ATF7: variants seen among roughly 807,000 people sequenced by gnomAD.
ATF7 encodes activating transcription factor 7.
A neutral mutation model predicts 50.4 loss-of-function variants in ATF7; 10 were observed. The ratio of observed to expected loss-of-function variants is 0.20; its 90% CI spans 0.12 to 0.34. The LOEUF (loss-of-function observed/expected upper bound fraction) is 0.34, where lower values mean the gene tolerates loss of function less well. ATF7 is among the 10% of genes least tolerant of loss of function. ATF7 has a pLI of 1.00. For synonymous variants in ATF7, 201 were observed against 226.4 expected, an observed-to-expected ratio of 0.89 and a Z score of 1.01; for missense variants, 465 against 613.9, an observed-to-expected ratio of 0.76 and a Z score of 2.56.
chr12:53,604,676 C>CA (rs1013446588), intron 1 of ATF7, among the ~76,000 whole-genome samples: 2 of 152,258 alleles, frequency 1.3e-5, no homozygotes, highest in Non-Finnish European at 1.5e-5. Context: ...CAAACACATC[C>CA]AGGGGCCTGT....
At chr12:53,572,444 G>A (rs1941814131) in intron 2 of ATF7, among the ~76,000 whole-genome samples, 2 of 152,178 alleles carry the variant, frequency 1.3e-5, no homozygotes, top group East Asian at 1.9e-4. Flanking sequence ...AGTTAAAAAT[G>A]CCAGGGAGAC....
intron 2 of ATF7, among the ~76,000 whole-genome samples, chr12:53,579,004 A>G (rs573342660): frequency 1.3e-5 from 2 of 152,212 alleles, no homozygotes; most frequent in African/African-American, 4.8e-5. Flanking sequence ...GCACTTTGGG[A>G]GCCTGAGGCA....
intron 1 of ATF7, among the ~76,000 whole-genome samples, chr12:53,610,328 G>T (rs1354051714): frequency 6.6e-6 from 1 of 151,872 alleles, no homozygotes; most frequent in African/African-American, 2.4e-5. Flanking sequence ...ACTTTGGGAC[G>T]ACGAGGCAGG....
intron 2 of ATF7, among the ~76,000 whole-genome samples, chr12:53,558,106 C>G (rs536944150): frequency 6.6e-6 from 1 of 152,348 alleles, no homozygotes; most frequent in African/African-American, 2.4e-5. Context: ...ATGTACCAAT[C>G]TTAAATCTTC....
At chr12:53,601,112 C>A (rs1000713442) in intron 1 of ATF7, 91 bp from the exon 2 acceptor site, 8 of 929,282 alleles carry the variant, frequency 8.6e-6, no homozygotes, top group East Asian at 2.7e-5. Context: ...ACCCTAGAAA[C>A]AGGTGTTCCA....
intron 2 of ATF7, among the ~76,000 whole-genome samples, chr12:53,567,686 C>T (rs1941519390): frequency 6.6e-6 from 1 of 152,204 alleles, no homozygotes; most frequent in Non-Finnish European, 1.5e-5. Flanking sequence ...ATGTCAGTTA[C>T]ATGGCTAATT....
intron 11 of ATF7, among the ~76,000 whole-genome samples, chr12:53,518,180 AATGTTCCTTTACC>A (rs1188595141): frequency 6.6e-6 from 1 of 152,230 alleles, no homozygotes; most frequent in African/African-American, 2.4e-5. Flanking sequence ...CATTATTTTT[AATGTTCCTTTACC>A]ATGTAGTTGT....
chr12:53,577,732 G>A (rs76136595), intron 2 of ATF7, among the ~76,000 whole-genome samples: 4,672 of 139,806 alleles, frequency 0.033, 150 homozygotes, highest in East Asian at 0.17. Context: ...AAAAAAAAAA[G>A]AAAGAAAGAA....
intron 2 of ATF7, among the ~76,000 whole-genome samples, chr12:53,588,009 C>G (rs950458350): frequency 6.6e-6 from 1 of 151,618 alleles, no homozygotes; most frequent in African/African-American, 2.4e-5. Context: ...GCCACCACCC[C>G]CAGCTAATTT....
chr12:53,573,619 G>A (rs1941895588), intron 2 of ATF7, among the ~76,000 whole-genome samples: 1 of 152,022 alleles, frequency 6.6e-6, no homozygotes, highest in African/African-American at 2.4e-5. Context: ...ATAGGGTTTG[G>A]TACTATCTGG....
At chr12:53,564,884 G>A (rs566237535) in intron 2 of ATF7, among the ~76,000 whole-genome samples, 5 of 151,934 alleles carry the variant, frequency 3.3e-5, no homozygotes, top group Admixed American at 1.3e-4. Flanking sequence ...ATTTTTTGGC[G>A]ATTTTTTTTT....
rs1228817547 is a variant in ATF7 at position 53,524,147 on chromosome 12, G to T, written c.1125+417C>A. 6.6e-6 allele frequency among the ~76,000 whole-genome samples: 1 copy of T among 152,190 alleles called. No individual in the cohort carries two copies. The highest frequency in any genetic ancestry group is 1.5e-5 in the Non-Finnish European group (1 of 68,030). On this transcript the variant is annotated intron_variant, in intron 10 of 11. Coordinates refer to ENST00000420353, the MANE Select transcript of ATF7 (RefSeq NM_006856.3). The surrounding 1 kb of genome is among the most constrained non-coding windows in gnomAD (Gnocchi z 4.6). ...AATCAGAAGGAAAAATAACATTCAA[G>T]AGAAGGTATGGATTATAGATTATAA...
intron 2 of ATF7, among the ~76,000 whole-genome samples, chr12:53,553,880 C>T (rs905460741): frequency 4.5e-4 from 69 of 152,190 alleles, no homozygotes; most frequent in African/African-American, 1.2e-3. Flanking sequence ...ACAAAATACA[C>T]GGGAGTTGGC....
chr12:53,528,923 G>A (rs746848082), intron 9 of ATF7, among the ~76,000 whole-genome samples: 1 of 152,022 alleles, frequency 6.6e-6, no homozygotes, highest in Non-Finnish European at 1.5e-5. Flanking sequence ...AGAACGACAA[G>A]GAAAGGAATC....
At chr12:53,587,625 C>G (rs1243806682) in intron 2 of ATF7, among the ~76,000 whole-genome samples, 1 of 148,036 alleles carries the variant, frequency 6.8e-6, no homozygotes, top group Non-Finnish European at 1.5e-5. Context: ...GAGCTGAGAT[C>G]GCACCACTGT....
chr12:53,578,621 A>G (rs564699514), intron 2 of ATF7, among the ~76,000 whole-genome samples: 1 of 151,776 alleles, frequency 6.6e-6, no homozygotes, highest in South Asian at 2.1e-4. Flanking sequence ...ATTTCTAACA[A>G]AAATAAAAAT....
chr12:53,594,020 G>A (rs1401548819), intron 2 of ATF7, among the ~76,000 whole-genome samples: 1 of 152,202 alleles, frequency 6.6e-6, no homozygotes, highest in Admixed American at 6.5e-5. Flanking sequence ...TGCATTCGCT[G>A]GAAGACTATT....
chr12:53,579,584 T>C (rs11170605), intron 2 of ATF7, among the ~76,000 whole-genome samples: 270 of 148,420 alleles, frequency 1.8e-3, no homozygotes, highest in Non-Finnish European at 3.4e-3. Context: ...GGAGTGTGCG[T>C]AATTGTGTTT....
In ATF7 at chr12:53,543,423, G is replaced by A; in HGVS notation, c.171C>T (p.Phe57=). The change falls in exon 4 of 12, where the codon TTC becomes TTT. Residue 57 remains phenylalanine, a synonymous_variant. Transcript: ENST00000420353. ...IADQTPTPTR[F]LKNCEEVGLF... ...GTCCCACCTCCTCACAGTTCTTCAG[G>A]AATCTAGTTGGAGTAGGCGTTTGAT... 2 of 1,599,672 alleles carry A rather than the reference G, an allele frequency of 1.3e-6. No homozygotes were observed. Among genetic ancestry groups the A allele is most frequent in the Non-Finnish European group, 1.7e-6 (2 of 1,172,208 alleles).
Sources: gnomAD v4.1 joint callset for allele counts (sites outside exome capture counted in the v4.1 genomes callset) on GRCh38, gnomAD v4.1.1 for gene constraint, Gnocchi (gnomAD v3.1) non-coding constraint, MANE v1.5 for transcripts, NCBI Gene and HGNC (gene_info 2026-07-23, HGNC 2026-07-21) for gene names.